MAPRE1: variants seen among roughly 807,000 people sequenced by gnomAD.
MAPRE1 encodes microtubule-associated protein RP/EB family member 1.
MAPRE1 carries 5 observed loss-of-function variants against 32.1 expected under a neutral mutation model. The ratio of observed to expected loss-of-function variants is 0.16; its 90% confidence interval spans 0.08 to 0.33. The LOEUF is 0.33. MAPRE1 is among the 10% of genes least tolerant of loss of function. MAPRE1 has a pLI of 1.00. For synonymous variants in MAPRE1, 122 were observed against 118.9 expected (o/e 1.03, Z -0.17); for missense variants, 209 against 327.2 (o/e 0.64, Z 2.79).
At chr20:32,837,081 A>G (rs1333320057) in intron 4 of MAPRE1, among the ~76,000 whole-genome samples, 1 of 152,202 alleles carries the variant, frequency 6.6e-6, no homozygotes, top group Non-Finnish European at 1.5e-5. Context: ...TAAAATGGGA[A>G]TTTTAATACT....
intron 4 of MAPRE1, among the ~76,000 whole-genome samples, chr20:32,838,330 T>C (rs1347157693): frequency 2.0e-5 from 3 of 152,212 alleles, no homozygotes; most frequent in Non-Finnish European, 2.9e-5. Flanking sequence ...CCTTCATTCT[T>C]TTTTATTGTG....
At chr20:32,843,072 A>G (rs1983407830) in intron 5 of MAPRE1, 1 of 152,200 alleles carries the variant, frequency 6.6e-6, no homozygotes, top group African/African-American at 2.4e-5. Flanking sequence ...GCTGGGATCA[A>G]ATGCTCATAC....
intron 2 of MAPRE1, 113 bp from the exon 3 acceptor site, chr20:32,833,604 G>T: frequency 1.1e-6 from 1 of 921,444 alleles, no homozygotes; most frequent in Non-Finnish European, 1.6e-6. Context: ...GAAGCTTTTG[G>T]TTTTTGTAGG....
intron 5 of MAPRE1, among the ~76,000 whole-genome samples, chr20:32,840,164 G>A (rs1983321334): frequency 6.6e-6 from 1 of 152,120 alleles, no homozygotes; most frequent in African/African-American, 2.4e-5. Context: ...AAAGATAAAG[G>A]AGGTCTCCTT....
At chr20:32,836,601 T>A in intron 3 of MAPRE1, 33 bp from the exon 4 acceptor site, 1 of 1,362,220 alleles carries the variant, frequency 7.3e-7, no homozygotes, top group South Asian at 1.2e-5. Context: ...AAAAGCCTCT[T>A]TTTTGGGGCT....
chr20:32,841,820 G>A (rs1983372560), intron 5 of MAPRE1, among the ~76,000 whole-genome samples: 1 of 152,092 alleles, frequency 6.6e-6, no homozygotes, highest in African/African-American at 2.4e-5. Flanking sequence ...TGTGAAGTGG[G>A]GCTGACACTT....
At chr20:32,846,585 C>T (rs1174197776) in intron 5 of MAPRE1, 33 bp from the exon 6 acceptor site, 2 of 1,608,376 alleles carry the variant, frequency 1.2e-6, no homozygotes, top group East Asian at 4.5e-5. Context: ...ATACTAATGC[C>T]AAGCATCTCA....
At chr20:32,830,357 C>G (rs1982982209) in intron 2 of MAPRE1, among the ~76,000 whole-genome samples, 1 of 152,162 alleles carries the variant, frequency 6.6e-6, no homozygotes. Context: ...CAGCTCAGAT[C>G]TGGTCTGATA....
intron 2 of MAPRE1, among the ~76,000 whole-genome samples, chr20:32,828,475 G>A (rs1982930682): frequency 6.6e-6 from 1 of 152,214 alleles, no homozygotes; most frequent in African/African-American, 2.4e-5. Flanking sequence ...ATCTCATTCA[G>A]GCAGAGAGCT....
chr20:32,848,585 T>C, intron 6 of MAPRE1, 87 bp from the exon 7 acceptor site: 3 of 1,001,196 alleles, frequency 3.0e-6, no homozygotes, highest in Non-Finnish European at 1.5e-6. Context: ...GAACCATTGT[T>C]TTTAAGAGGC....
chr20:32,829,534 C>G (rs1982961155), intron 2 of MAPRE1, among the ~76,000 whole-genome samples: 1 of 152,216 alleles, frequency 6.6e-6, no homozygotes, highest in African/African-American at 2.4e-5. Flanking sequence ...CTTGTGCTTA[C>G]TGAGGCCCAA....
chr20:32,847,894 G>A (rs969184389), intron 6 of MAPRE1, among the ~76,000 whole-genome samples: 5 of 152,288 alleles, frequency 3.3e-5, no homozygotes, highest in Admixed American at 3.3e-4. Context: ...TGTTGGGTCA[G>A]TCTTGCTGTT....
chr20:32,833,883 A>AT, intron 3 of MAPRE1, 21 bp downstream of exon 3: 1 of 1,604,278 alleles, frequency 6.2e-7, no homozygotes, highest in Non-Finnish European at 8.5e-7. Flanking sequence ...GTTATCTTTT[A>AT]TTGTGGTTAA....
chr20:32,831,520 T>G (rs909300390), intron 2 of MAPRE1, among the ~76,000 whole-genome samples: 2 of 151,764 alleles, frequency 1.3e-5, no homozygotes, highest in African/African-American at 4.8e-5. Flanking sequence ...TCATAAGTCA[T>G]TGTCTCTTTT....
intron 4 of MAPRE1, among the ~76,000 whole-genome samples, chr20:32,838,645 T>C (rs1385800473): frequency 6.6e-6 from 1 of 152,304 alleles, no homozygotes; most frequent in South Asian, 2.1e-4. Flanking sequence ...TCTCTAGATA[T>C]TGAGTACTTT....
intron 2 of MAPRE1, among the ~76,000 whole-genome samples, chr20:32,832,610 A>G (rs1983066347): frequency 6.6e-6 from 1 of 151,688 alleles, no homozygotes; most frequent in African/African-American, 2.4e-5. Context: ...TGGAACCACA[A>G]GGGCATGCCA....
chr20:32,848,688 C>T lies in MAPRE1; in HGVS notation c.767C>T (p.Pro256Leu), dbSNP rs749526942. The T allele has an allele frequency of 1.2e-6, 2 of 1,612,998 alleles. No individual in the cohort carries two copies. The highest frequency in any genetic ancestry group is 3.3e-5 in the Admixed American group (2 of 59,760). Residue 256 changes from proline (P) to leucine (L), a missense_variant, in exon 7 of 7, where the codon CCT (proline) becomes CTT (leucine). Physicochemically the swap from Pro to Leu is moderately conservative, Grantham distance 98. Around this residue, in one of 3 missense-constraint regions of MAPRE1, gnomAD observed 36 missense variants for 71.9 expected, o/e 0.50. Transcript: ENST00000375571. ...LYATDEGFVI[P>L]DEGGPQEEQE... is the part of the protein sequence containing the mutation. ...CTATTTCAGGAAGGCTTTGTGATACCTGATGAAGGGGGCCCACAGGAGGAG... is the reference window on the plus strand; with the variant it reads ...CTATTTCAGGAAGGCTTTGTGATACTTGATGAAGGGGGCCCACAGGAGGAG...
Position 32,846,686 on chromosome 20 carries a change from G to T in MAPRE1, c.666G>T (p.Arg222=). 1 of 1,612,418 alleles carries T rather than the reference G, an allele frequency of 6.2e-7. No individual in the cohort carries two copies. Among genetic ancestry groups the T allele is most frequent in the South Asian group, 1.1e-5 (1 of 91,060 alleles). ...KERDFYFGKL[R]NIELICQENE... ...GGGATTTCTACTTCGGAAAGCTACG[G>T]AACATTGAATTGATTTGCCAGGAGA... The change falls in exon 6 of 7, where the codon CGG becomes CGT. Residue 222 remains arginine (R), a synonymous_variant. Coordinates refer to ENST00000375571, the MANE Select transcript of MAPRE1 (RefSeq NM_012325.3).
intron 1 of MAPRE1, among the ~76,000 whole-genome samples, chr20:32,823,039 T>C (rs1003028584): frequency 7.9e-5 from 12 of 152,210 alleles, no homozygotes; most frequent in Non-Finnish European, 5.9e-5. Context: ...TTTTCTCTCT[T>C]TGACGCTGTT....
Sources: gnomAD v4.1 joint callset for allele counts (sites outside exome capture counted in the v4.1 genomes callset) on GRCh38, gnomAD v4.1.1 for gene constraint, gnomAD v4.1.1 regional missense constraint, MANE v1.5 for transcripts, NCBI Gene and HGNC (gene_info 2026-07-23, HGNC 2026-07-21) for gene names.